The following KCNK10 variants were observed in gnomAD, a reference collection of about 807,000 sequenced individuals.
KCNK10 encodes potassium two pore domain channel subfamily K member 10, also known as potassium channel subfamily K member 10.
Under a neutral mutation model 47.7 loss-of-function variants are expected in KCNK10, and 25 were observed. That is an observed-to-expected ratio of 0.52 (90% CI 0.38 to 0.73). The LOEUF is 0.73. KCNK10 is among the 30% of genes least tolerant of loss of function. The pLI, the probability that KCNK10 is intolerant of heterozygous loss-of-function variation, is 0.00. For synonymous variants in KCNK10, 303 were observed against 285.6 expected, an observed-to-expected ratio of 1.06 and a Z score of -0.61; for missense variants, 563 against 714.5, an observed-to-expected ratio of 0.79 and a Z score of 2.42.
chr14:88,180,829 C>T lies in KCNK10; in HGVS notation c.*4706G>A, dbSNP rs1884321624. 1 of 398,712 alleles carries T rather than the reference C, an allele frequency of 2.5e-6. No homozygotes were observed. The highest frequency in any genetic ancestry group is 3.5e-5 in the East Asian group (1 of 28,206). The allele number at this position is 398,712 out of a possible 1,614,324, so 24.7% of individuals were successfully genotyped here. A position where few individuals can be genotyped will look rare whatever the true frequency, so the allele number is the denominator to read the frequency against. ...GAGACAGAGGACAGGGCTTTGCTTA[C>T]AGCCATGTAATTAGCATGCTGTTCC... On this transcript the variant is annotated 3_prime_UTR_variant, in exon 7 of 7. Coordinates refer to ENST00000319231, the MANE Select transcript of KCNK10 (RefSeq NM_138317.3).
intron 3 of KCNK10, among the ~76,000 whole-genome samples, chr14:88,232,120 G>A (rs989595579): frequency 1.3e-5 from 2 of 152,220 alleles, no homozygotes; most frequent in South Asian, 2.1e-4. Flanking sequence ...ACTTCACAAC[G>A]TTAACACCAT....
rs138527706 is a variant in KCNK10, at chr14:88,207,609, G to C, written c.682-15199C>G. On this transcript the variant is annotated intron_variant, in intron 4 of 6. Coordinates refer to ENST00000319231, the MANE Select transcript of KCNK10 (RefSeq NM_138317.3). The stretch of plus-strand genomic sequence containing the variant: ...CAGCCTCTCAAGTAACTGGGACCTA[G>C]TCCAGCTTCAAGGTCATTTTCTATA... 6.3e-3 allele frequency among the ~76,000 whole-genome samples: 961 copies of C among 152,294 alleles called. 8 individuals are homozygous for C. Among genetic ancestry groups the C allele is most frequent in the African/African-American group, 0.022 (921 of 41,554 alleles).
intron 4 of KCNK10, among the ~76,000 whole-genome samples, chr14:88,210,840 A>AAC (rs1394594146): frequency 1.3e-5 from 2 of 151,896 alleles, no homozygotes; most frequent in Non-Finnish European, 2.9e-5. Context: ...AAAAAAAAAA[A>AAC]AAAACAGAAA....
chr14:88,255,747 G>A (rs890518546), intron 2 of KCNK10, among the ~76,000 whole-genome samples: 7 of 151,612 alleles, frequency 4.6e-5, no homozygotes, highest in African/African-American at 1.5e-4. Flanking sequence ...CCCCAGAAAC[G>A]TTCTGAGGAG....
chr14:88,268,252 G>A (rs193112777), intron 1 of KCNK10, among the ~76,000 whole-genome samples: 10 of 152,304 alleles, frequency 6.6e-5, no homozygotes, highest in Admixed American at 4.6e-4. Flanking sequence ...CAATCCTGCC[G>A]TGGTATCCTT....
chr14:88,203,015 G>T (rs372331254), intron 4 of KCNK10, among the ~76,000 whole-genome samples: 1 of 152,172 alleles, frequency 6.6e-6, no homozygotes, highest in Non-Finnish European at 1.5e-5. Context: ...AAGCATCAGC[G>T]GGGAGCTTCC....
intron 3 of KCNK10, among the ~76,000 whole-genome samples, chr14:88,234,107 C>T (rs1886228994): frequency 6.6e-6 from 1 of 152,204 alleles, no homozygotes; most frequent in Admixed American, 6.5e-5. Flanking sequence ...GCAACGCCCT[C>T]TGGTGTTGTT....
At chr14:88,196,536 T>C (rs1884918763) in intron 4 of KCNK10, among the ~76,000 whole-genome samples, 1 of 152,216 alleles carries the variant, frequency 6.6e-6, no homozygotes, top group African/African-American at 2.4e-5. Flanking sequence ...TAATCCCCAT[T>C]GTTTGCATCT....
chr14:88,270,041 A>G (rs1314416723), intron 1 of KCNK10, among the ~76,000 whole-genome samples: 1 of 152,064 alleles, frequency 6.6e-6, no homozygotes, highest in Admixed American at 6.5e-5. Context: ...GCAAAGTGCA[A>G]CTGTGACTGC....
intron 1 of KCNK10, among the ~76,000 whole-genome samples, chr14:88,288,356 A>T (rs1887810438): frequency 6.6e-6 from 1 of 152,142 alleles, no homozygotes; most frequent in Admixed American, 6.5e-5. Context: ...AGGCTTGTGC[A>T]TCTCAATTCA....
intron 3 of KCNK10, among the ~76,000 whole-genome samples, chr14:88,236,070 C>T (rs1331053767): frequency 6.6e-6 from 1 of 152,162 alleles, no homozygotes; most frequent in Non-Finnish European, 1.5e-5. Flanking sequence ...AATCCTAGCA[C>T]TCTGGGAGGC....
At chr14:88,195,784 C>T (rs1595073878) in intron 4 of KCNK10, among the ~76,000 whole-genome samples, 2 of 152,124 alleles carry the variant, frequency 1.3e-5, no homozygotes, top group Admixed American at 6.5e-5. Flanking sequence ...ATAACGTTTG[C>T]GATGTCAGGA....
chr14:88,263,913 T>A (rs1346716991), intron 1 of KCNK10, among the ~76,000 whole-genome samples: 1 of 152,152 alleles, frequency 6.6e-6, no homozygotes, highest in Non-Finnish European at 1.5e-5. Flanking sequence ...ATCATCAGAT[T>A]TAAAAACAAA....
At chr14:88,222,608 G>A (rs574667828) in intron 4 of KCNK10, among the ~76,000 whole-genome samples, 61 of 152,258 alleles carry the variant, frequency 4.0e-4, no homozygotes, top group African/African-American at 1.2e-3. Flanking sequence ...AGTCTGGTGC[G>A]GGATGTTGAT....
chr14:88,211,750 G>T (rs1191615962), intron 4 of KCNK10, among the ~76,000 whole-genome samples: 1 of 151,968 alleles, frequency 6.6e-6, no homozygotes, highest in Non-Finnish European at 1.5e-5. Flanking sequence ...ACAAAAATTA[G>T]CCAGGCGCAG....
At chr14:88,228,863 C>G (rs1886068664) in intron 3 of KCNK10, among the ~76,000 whole-genome samples, 1 of 152,078 alleles carries the variant, frequency 6.6e-6, no homozygotes, top group South Asian at 2.1e-4. Flanking sequence ...CTTTACTCAC[C>G]AGGATTTTGA....
chr14:88,214,950 T>C (rs1016342771), intron 4 of KCNK10, among the ~76,000 whole-genome samples: 1 of 152,254 alleles, frequency 6.6e-6, no homozygotes, highest in African/African-American at 2.4e-5. Context: ...TATAGTGGAA[T>C]GACTAAGTCT....
chr14:88,228,387 T>A (rs1023072625), intron 3 of KCNK10, among the ~76,000 whole-genome samples: 1 of 152,202 alleles, frequency 6.6e-6, no homozygotes, highest in African/African-American at 2.4e-5. Context: ...GCTTACCCTA[T>A]ATGGATGAGG....
chr14:88,299,378 T>C (rs1465416927), intron 1 of KCNK10, among the ~76,000 whole-genome samples: 1 of 152,244 alleles, frequency 6.6e-6, no homozygotes, highest in Non-Finnish European at 1.5e-5. Context: ...TTCTCATTGG[T>C]GTGCCATTCT....
Sources: allele counts gnomAD v4.1 joint callset (sites outside exome capture counted in the v4.1 genomes callset), GRCh38; gene constraint gnomAD v4.1.1; transcripts MANE v1.5; gene names NCBI Gene and HGNC (gene_info 2026-07-23, HGNC 2026-07-21).